ARL5A: variants seen among roughly 807,000 people sequenced by gnomAD.
The protein encoded by ARL5A is ADP-ribosylation factor-like protein 5A.
Under a neutral mutation model 25.9 loss-of-function variants are expected in ARL5A, and 18 were observed. The observed-to-expected ratio is 0.69, with a 90% CI of 0.48 to 1.03. The LOEUF (loss-of-function observed/expected upper bound fraction) is 1.03, where lower values mean the gene tolerates loss of function less well. Among genes scored for constraint, ARL5A ranks in the 50% least tolerant of loss-of-function variants. ARL5A has a pLI of 0.00. For synonymous variants in ARL5A, 61 were observed against 67.5 expected (o/e 0.90, Z 0.47); for missense variants, 170 against 211.9 (o/e 0.80, Z 1.23).
intron 1 of ARL5A, among the ~76,000 whole-genome samples, chr2:151,822,085 T>C (rs974504796): frequency 6.6e-6 from 1 of 152,100 alleles, no homozygotes; most frequent in Admixed American, 6.6e-5. Context: ...CCTGACCTCA[T>C]GATCCACCTG....
rs973809130 is a variant in ARL5A, at chr2:151,800,213, G to A, written c.*3063C>T. On this transcript the variant is annotated 3_prime_UTR_variant, in exon 6 of 6. Transcript: ENST00000295087. ...TTACACTAATATAAACAGGTTTGGA[G>A]GTTGTCTGTACTGTATGTGGTTGCT... 1 of 142,342 alleles carries A rather than the reference G, an allele frequency of 7.0e-6. No homozygotes were observed. Among genetic ancestry groups the A allele is most frequent in the Non-Finnish European group, 1.5e-5 (1 of 65,140 alleles). The allele number at this position is 142,342 out of a possible 1,614,324, so 8.8% of individuals were successfully genotyped here.
intron 1 of ARL5A, among the ~76,000 whole-genome samples, chr2:151,823,114 A>C (rs2099832571): frequency 6.6e-6 from 1 of 152,200 alleles, no homozygotes; most frequent in Non-Finnish European, 1.5e-5. Flanking sequence ...CTGAACTATC[A>C]CTAAGCCCTA....
intron 1 of ARL5A, among the ~76,000 whole-genome samples, chr2:151,817,064 ATAAAC>A (rs1266823538): frequency 6.6e-6 from 1 of 152,234 alleles, no homozygotes; most frequent in Non-Finnish European, 1.5e-5. Context: ...AAGGGCATCT[ATAAAC>A]TAAAGTTCAA....
In ARL5A at chr2:151,802,150, CA is replaced by C. The variant is rs1285503650; in HGVS notation, c.*1125del. On this transcript the variant is annotated 3_prime_UTR_variant, in exon 6 of 6. Coordinates refer to ENST00000295087, the MANE Select transcript of ARL5A (RefSeq NM_012097.4). The stretch of plus-strand genomic sequence containing the variant: ...AAATCTCACACTATATTCCAAGTAC[CA>C]AAATAAGAAGAAATTTGCAAATTAA... 6.6e-6 allele frequency: 1 copy of C among 151,878 alleles called. No homozygotes were observed. The highest frequency in any genetic ancestry group is 2.1e-4 in the South Asian group (1 of 4,810). 9.4% of individuals were successfully genotyped at this position (151,878 alleles called of 1,614,324 possible).
At chr2:151,823,912 C>A (rs2099832691) in intron 1 of ARL5A, among the ~76,000 whole-genome samples, 1 of 152,194 alleles carries the variant, frequency 6.6e-6, no homozygotes, top group Admixed American at 6.5e-5. Flanking sequence ...ACAAGCAGAG[C>A]CCGTCAAGAA....
At chr2:151,804,819 T>C (rs1233081458) in intron 5 of ARL5A, among the ~76,000 whole-genome samples, 1 of 152,184 alleles carries the variant, frequency 6.6e-6, no homozygotes. Flanking sequence ...ACACTGAAGT[T>C]TGTGATCTCC....
At chr2:151,816,969 C>T (rs919846597) in intron 1 of ARL5A, among the ~76,000 whole-genome samples, 1 of 152,204 alleles carries the variant, frequency 6.6e-6, no homozygotes, top group Non-Finnish European at 1.5e-5. Context: ...TGATGTTCAG[C>T]AGGTTAGGTG....
At chr2:151,818,045 C>T (rs1418272382) in intron 1 of ARL5A, among the ~76,000 whole-genome samples, 3 of 152,172 alleles carry the variant, frequency 2.0e-5, no homozygotes, top group Non-Finnish European at 4.4e-5. Flanking sequence ...AATTCTGCTA[C>T]TATCCCAGAA....
rs557045282 is a variant in ARL5A, at chr2:151,821,735, G to A, written c.46+6396C>T. On this transcript the variant is annotated intron_variant, in intron 1 of 5. Coordinates refer to ENST00000295087, the MANE Select transcript of ARL5A (RefSeq NM_012097.4). ...TTCTCCTCCTGCCTCAGCCTCTCAA[G>A]CAGCTGGGACTACAGGCAGGCACTA... 4.7e-5 allele frequency among the ~76,000 whole-genome samples: 7 copies of A among 149,378 alleles called. No individual in the cohort carries two copies. In the East Asian group the frequency reaches 1.4e-3, roughly 29 times the overall value.
chr2:151,814,096 C>G, intron 3 of ARL5A, 73 bp downstream of exon 3: 2 of 1,343,942 alleles, frequency 1.5e-6, no homozygotes, highest in Non-Finnish European at 2.0e-6. Context: ...AAAAGATTAA[C>G]TATAAGGACT....
chr2:151,808,433 TTTC>T (rs1393808256), intron 4 of ARL5A, among the ~76,000 whole-genome samples: 9 of 144,764 alleles, frequency 6.2e-5, no homozygotes, highest in African/African-American at 2.3e-4. Context: ...TATATTTGTA[TTTC>T]TTATTTGGTT....
At chr2:151,820,607 C>T (rs1176669561) in intron 1 of ARL5A, among the ~76,000 whole-genome samples, 1 of 119,778 alleles carries the variant, frequency 8.3e-6, no homozygotes, top group East Asian at 2.7e-4. Flanking sequence ...TTGCAGTGAG[C>T]CAAGATTGTG....
intron 4 of ARL5A, among the ~76,000 whole-genome samples, chr2:151,809,392 C>A (rs1431951522): frequency 6.6e-6 from 1 of 152,146 alleles, no homozygotes; most frequent in South Asian, 2.1e-4. Flanking sequence ...TATCTTAAAT[C>A]AGTTTTTCTA....
intron 1 of ARL5A, among the ~76,000 whole-genome samples, chr2:151,823,276 G>A (rs976274045): frequency 6.6e-6 from 1 of 152,162 alleles, no homozygotes; most frequent in Non-Finnish European, 1.5e-5. Context: ...TTAGGAGAGA[G>A]ATATCTGCTT....
intron 3 of ARL5A, 62 bp downstream of exon 3, chr2:151,814,107 C>A: frequency 7.0e-7 from 1 of 1,423,244 alleles, no homozygotes; most frequent in South Asian, 1.5e-5. Flanking sequence ...TATAAGGACT[C>A]AAATCTAGAT....
At chr2:151,807,847 T>C (rs905427841) in intron 4 of ARL5A, among the ~76,000 whole-genome samples, 2 of 152,214 alleles carry the variant, frequency 1.3e-5, no homozygotes, top group Non-Finnish European at 2.9e-5. Context: ...TATCTTTTAC[T>C]GAGTATCTGA....
rs974604696 is a variant in ARL5A at position 151,828,353 on chromosome 2, C to G, written c.-177G>C. On this transcript the variant is annotated 5_prime_UTR_variant, in exon 1 of 6. Coordinates refer to ENST00000295087, the MANE Select transcript of ARL5A (RefSeq NM_012097.4). Reference sequence around the variant, plus strand: ...GGCCGAAGCCCAGGCCGCCCTGCCGCGCGCAAGGCCCCGCCGCTGCCGCCG... The same window carrying G: ...GGCCGAAGCCCAGGCCGCCCTGCCGGGCGCAAGGCCCCGCCGCTGCCGCCG... 4.0e-6 allele frequency: 2 copies of G among 505,024 alleles called. No homozygotes were observed. Among genetic ancestry groups the G allele is most frequent in the Non-Finnish European group, 6.8e-6 (2 of 294,264 alleles). 31.3% of individuals were successfully genotyped at this position (505,024 alleles called of 1,614,324 possible). A position where few individuals can be genotyped will look rare whatever the true frequency, so the allele number is the denominator to read the frequency against.
intron 1 of ARL5A, among the ~76,000 whole-genome samples, chr2:151,819,049 T>G (rs138173308): frequency 1.3e-5 from 2 of 152,040 alleles, no homozygotes; most frequent in African/African-American, 4.8e-5. Context: ...ATACAACTAC[T>G]TTGACCCTAA....
In ARL5A at chr2:151,803,445, T is replaced by C. The variant is rs113824020; in HGVS notation, c.492-121A>G. On this transcript the variant is annotated intron_variant, in intron 5 of 5. Transcript: ENST00000295087. ...TAGCTAAATAACAAAGATTTAAAAA[T>C]CAATAATATTCAGTGCTTGGGCTGC... 591 of 724,740 alleles carry C rather than the reference T, an allele frequency of 8.2e-4. 3 individuals carry two copies. The African/African-American group carries it at 8.8e-3, about 11-fold the overall frequency. The allele number at this position is 724,740 out of a possible 1,614,324, so 44.9% of individuals were successfully genotyped here.
Sources: gnomAD v4.1 joint callset for allele counts (sites outside exome capture counted in the v4.1 genomes callset) on GRCh38, gnomAD v4.1.1 for gene constraint, MANE v1.5 for transcripts, NCBI Gene and HGNC (gene_info 2026-07-23, HGNC 2026-07-21) for gene names.